The following PIK3C2G variants were observed in gnomAD, a reference collection of about 807,000 sequenced individuals.
The protein encoded by PIK3C2G is phosphatidylinositol-4-phosphate 3-kinase catalytic subunit type 2 gamma.
A neutral mutation model predicts 181.1 loss-of-function variants in PIK3C2G; 168 were observed. The ratio of observed to expected loss-of-function variants is 0.93; its 90% CI spans 0.82 to 1.05. PIK3C2G has a LOEUF of 1.05. PIK3C2G is among the 50% of genes least tolerant of loss of function. PIK3C2G has a pLI of 0.00. For synonymous variants in PIK3C2G, 573 were observed against 592.2 expected (o/e 0.97, Z 0.47); for missense variants, 1,869 against 1,732.8 (o/e 1.08, Z -1.40).
intron 24 of PIK3C2G, among the ~76,000 whole-genome samples, chr12:18,534,093 G>C (rs568503016): frequency 2.6e-5 from 4 of 151,796 alleles, no homozygotes; most frequent in Non-Finnish European, 4.4e-5. Flanking sequence ...GGGATTACAG[G>C]TGTGTGCCAC....
intron 31 of PIK3C2G, among the ~76,000 whole-genome samples, chr12:18,635,262 G>C (rs1949541707): frequency 6.6e-6 from 1 of 152,236 alleles, no homozygotes; most frequent in Admixed American, 6.5e-5. Flanking sequence ...CACGGGCGCA[G>C]TCTGGAGGAA....
At chr12:18,393,860 A>G (rs1389139368) in intron 15 of PIK3C2G, among the ~76,000 whole-genome samples, 3 of 152,140 alleles carry the variant, frequency 2.0e-5, no homozygotes, top group Non-Finnish European at 4.4e-5. Flanking sequence ...GCTCCTGCTG[A>G]GATATTTTTA....
At chr12:18,585,472 A>G (rs1946721571) in intron 29 of PIK3C2G, among the ~76,000 whole-genome samples, 1 of 152,222 alleles carries the variant, frequency 6.6e-6, no homozygotes, top group Middle Eastern at 3.2e-3. Context: ...ATAATGGTAA[A>G]GCATTGAATT....
chr12:18,599,906 A>G (rs1387870714), intron 30 of PIK3C2G, among the ~76,000 whole-genome samples: 30 of 151,924 alleles, frequency 2.0e-4, no homozygotes, highest in Admixed American at 1.9e-3. Context: ...CGCAGTTATG[A>G]CTTCATATCA....
chr12:18,277,028 C>T (rs1220271735), intron 1 of PIK3C2G, among the ~76,000 whole-genome samples: 1 of 152,072 alleles, frequency 6.6e-6, no homozygotes, highest in Non-Finnish European at 1.5e-5. Flanking sequence ...CCAAGCACCT[C>T]TTGTCTTCAC....
At chr12:18,576,658 A>G (rs762290234) in intron 29 of PIK3C2G, among the ~76,000 whole-genome samples, 2 of 152,202 alleles carry the variant, frequency 1.3e-5, no homozygotes, top group Non-Finnish European at 2.9e-5. Flanking sequence ...GTCTTAATCT[A>G]TTTGCCTTTC....
chr12:18,432,792 TG>T (rs1267198737), intron 18 of PIK3C2G, among the ~76,000 whole-genome samples: 2 of 152,224 alleles, frequency 1.3e-5, no homozygotes, highest in Admixed American at 1.3e-4. Context: ...ACATGTTAAG[TG>T]ATTTTTCCAA....
chr12:18,538,095 G>A, intron 24 of PIK3C2G, 61 bp from the exon 25 acceptor site: 3 of 1,475,090 alleles, frequency 2.0e-6, no homozygotes, highest in Non-Finnish European at 2.8e-6. Flanking sequence ...TATAACTGCT[G>A]ATTTAACCTG....
rs1414962040 is a variant in PIK3C2G at position 18,529,120 on chromosome 12, G to C, written c.3324-9036G>C. Among the ~76,000 whole-genome samples the C allele has an allele frequency of 1.3e-5, 2 of 152,040 alleles. 1 individual carries two copies. Among genetic ancestry groups the C allele is most frequent in the African/African-American group, 4.8e-5 (2 of 41,350 alleles). On this transcript the variant is annotated intron_variant, in intron 24 of 32. Transcript: ENST00000538779. The stretch of plus-strand genomic sequence containing the variant: ...CAGCCTACGCTTTTTCCAGCATTGG[G>C]ATAGATGACTGTTTCTTTAGTTAGC...
chr12:18,246,841 T>C (rs146005319), upstream of PIK3C2G, among the ~76,000 whole-genome samples: 81 of 152,334 alleles, frequency 5.3e-4, no homozygotes, highest in African/African-American at 1.9e-3. Context: ...TGGAGACTCA[T>C]ACTATAACCA....
At chr12:18,502,173 T>C (rs1941537265) in intron 22 of PIK3C2G, among the ~76,000 whole-genome samples, 1 of 152,176 alleles carries the variant, frequency 6.6e-6, no homozygotes, top group African/African-American at 2.4e-5. Flanking sequence ...TCCACAAATG[T>C]AGATGCCCAA....
intron 29 of PIK3C2G, among the ~76,000 whole-genome samples, chr12:18,582,687 C>A (rs1240090520): frequency 6.6e-6 from 1 of 152,186 alleles, no homozygotes; most frequent in African/African-American, 2.4e-5. Context: ...ACGGTAGCAG[C>A]ATTACACCTC....
At chr12:18,511,514 C>G (rs1942204866) in intron 24 of PIK3C2G, among the ~76,000 whole-genome samples, 1 of 152,046 alleles carries the variant, frequency 6.6e-6, no homozygotes, top group Admixed American at 6.6e-5. Flanking sequence ...TAAATCCATT[C>G]TAACAGATGT....
chr12:18,607,701 G>T (rs184328323), intron 30 of PIK3C2G, among the ~76,000 whole-genome samples: 11 of 152,078 alleles, frequency 7.2e-5, no homozygotes, highest in African/African-American at 2.2e-4. Context: ...TGGCAAATGG[G>T]ATCTAATTAA....
At chr12:18,264,083 CT>C (rs1243824771) in intron 1 of PIK3C2G, among the ~76,000 whole-genome samples, 1 of 152,094 alleles carries the variant, frequency 6.6e-6, no homozygotes, top group African/African-American at 2.4e-5. Flanking sequence ...TCATTCTTTG[CT>C]TCCTACCGGT....
At chr12:18,412,451 A>G (rs1944916134) in intron 16 of PIK3C2G, among the ~76,000 whole-genome samples, 1 of 152,174 alleles carries the variant, frequency 6.6e-6, no homozygotes, top group African/African-American at 2.4e-5. Context: ...ATGATTTAAA[A>G]TAAGGCAACA....
In PIK3C2G at chr12:18,648,318, G is replaced by A. The variant is rs1205264099; in HGVS notation, c.*290G>A. On this transcript the variant is annotated 3_prime_UTR_variant, in exon 33 of 33. Coordinates refer to ENST00000538779, the MANE Select transcript of PIK3C2G (RefSeq NM_001288772.2). ...TTTAATATATTTTAAATTAAACATA[G>A]GTTTACATTTGTTTTAATTGTGTGC... 1.7e-5 allele frequency: 4 copies of A among 233,834 alleles called. No individual in the cohort carries two copies. Among genetic ancestry groups the A allele is most frequent in the African/African-American group, 4.4e-5 (2 of 45,222 alleles). 14.5% of individuals were successfully genotyped at this position (233,834 alleles called of 1,614,324 possible).
In PIK3C2G at chr12:18,314,065, GT is replaced by G; in HGVS notation, c.1137+2del. The G allele has an allele frequency of 4.0e-6, 6 of 1,494,424 alleles. No individual in the cohort carries two copies. Among genetic ancestry groups the G allele is most frequent in the Non-Finnish European group, 4.6e-6 (5 of 1,087,386 alleles). 92.6% of individuals were successfully genotyped at this position (1,494,424 alleles called of 1,614,324 possible). A position where few individuals can be genotyped will look rare whatever the true frequency, so the allele number is the denominator to read the frequency against. The stretch of plus-strand genomic sequence containing the variant: ...AGCTCCAGGAAAGCTATCTCGAAAG[GT>G]AAGACTTTCTTAGCATTGGTTTCAA... On this transcript the variant is annotated splice_donor_variant, in intron 6 of 32. Coordinates refer to ENST00000538779, the MANE Select transcript of PIK3C2G (RefSeq NM_001288772.2). LOFTEE classifies it high-confidence loss of function.
chr12:18,445,558 T>A (rs532271842), intron 18 of PIK3C2G, among the ~76,000 whole-genome samples: 11 of 152,228 alleles, frequency 7.2e-5, no homozygotes, highest in African/African-American at 2.6e-4. Flanking sequence ...ATACATGTAT[T>A]TTCACAAAGC....
Sources: gnomAD v4.1 joint callset for allele counts (sites outside exome capture counted in the v4.1 genomes callset) on GRCh38, gnomAD v4.1.1 for gene constraint, MANE v1.5 for transcripts, NCBI Gene and HGNC (gene_info 2026-07-23, HGNC 2026-07-21) for gene names.